The following AOPEP variants were observed in gnomAD, a reference collection of about 807,000 sequenced individuals.
The protein encoded by AOPEP is aminopeptidase O (putative).
Under a neutral mutation model 98.1 loss-of-function variants are expected in AOPEP, and 77 were observed. That is an observed-to-expected ratio of 0.78 (90% CI 0.65 to 0.95). The LOEUF is 0.95. Ranked by LOEUF, AOPEP falls within the 40% of genes least tolerant of loss-of-function variation. AOPEP has a pLI of 0.00. For synonymous variants in AOPEP, 346 were observed against 365.3 expected, an observed-to-expected ratio of 0.95 and a Z score of 0.60; for missense variants, 1,024 against 1,024.7, an observed-to-expected ratio of 1.00 and a Z score of 0.01.
At chr9:94,805,316 G>A (rs960578686) in intron 5 of AOPEP, among the ~76,000 whole-genome samples, 1 of 152,124 alleles carries the variant, frequency 6.6e-6, no homozygotes, top group South Asian at 2.1e-4. Context: ...ACGGGCAACC[G>A]TCCCTTTGTA....
chr9:94,995,974 G>A (rs577553210), intron 11 of AOPEP, among the ~76,000 whole-genome samples: 154 of 152,312 alleles, frequency 1.0e-3, no homozygotes, highest in African/African-American at 3.6e-3. Flanking sequence ...TGGCTGATCA[G>A]TGCTGGATCA....
chr9:94,756,224 G>A (rs1837005645), intron 1 of AOPEP, among the ~76,000 whole-genome samples: 1 of 148,550 alleles, frequency 6.7e-6, no homozygotes, highest in Non-Finnish European at 1.5e-5. Context: ...TGTGCCACTG[G>A]GTGACAGAGC....
chr9:95,024,330 C>T (rs982451765), intron 13 of AOPEP, among the ~76,000 whole-genome samples: 3 of 152,206 alleles, frequency 2.0e-5, no homozygotes, highest in Non-Finnish European at 4.4e-5. Context: ...AATATCCTTA[C>T]CTTTGTCAAC....
At chr9:94,803,207 A>G (rs536144739) in intron 5 of AOPEP, among the ~76,000 whole-genome samples, 11 of 152,316 alleles carry the variant, frequency 7.2e-5, no homozygotes, top group Non-Finnish European at 1.3e-4. Context: ...TGAGAGATCA[A>G]AGGACTTCTT....
intron 11 of AOPEP, chr9:95,004,113 T>C (rs1374622430): frequency 5.0e-6 from 2 of 400,022 alleles, no homozygotes; most frequent in Non-Finnish European, 9.9e-6. Flanking sequence ...AGATTTTCTT[T>C]AAAGAAATGT....
chr9:94,829,003 G>T (rs1432933410), intron 5 of AOPEP, among the ~76,000 whole-genome samples: 1 of 151,636 alleles, frequency 6.6e-6, no homozygotes. Flanking sequence ...CAAGTAGCTG[G>T]GATTACAGGC....
rs536416689 is a variant in AOPEP at position 94,949,666 on chromosome 9, T to C, written c.1662-5511T>C. Among the ~76,000 whole-genome samples the C allele has an allele frequency of 5.0e-4, 76 of 152,360 alleles. No individual in the cohort carries two copies. The South Asian group carries it at 8.5e-3, about 17-fold the overall frequency. The stretch of plus-strand genomic sequence containing the variant: ...CCAAATACCAGCGGTGTTGATACAA[T>C]ACAAATTTATTAGTTAAAGGTTTAT... On this transcript the variant is annotated intron_variant, in intron 7 of 16. Coordinates refer to ENST00000375315, the MANE Select transcript of AOPEP (RefSeq NM_001193329.3).
chr9:95,014,819 T>A (rs1292514482), intron 13 of AOPEP, among the ~76,000 whole-genome samples: 2 of 152,126 alleles, frequency 1.3e-5, no homozygotes, highest in Admixed American at 6.5e-5. Flanking sequence ...CTGGAAAAAA[T>A]TAAAGTAGTC....
At chr9:94,769,296 C>T (rs1840330190) in intron 2 of AOPEP, among the ~76,000 whole-genome samples, 1 of 152,194 alleles carries the variant, frequency 6.6e-6, no homozygotes, top group African/African-American at 2.4e-5. Flanking sequence ...ACTGTGATGT[C>T]AGACATGCAT....
At chr9:95,101,576 G>T in the AOPEP span, 1 of 1,090,322 alleles carries the variant, frequency 9.2e-7, no homozygotes, top group Non-Finnish European at 1.4e-6. Context: ...GTCCCAAGAT[G>T]TGTACAGCTC....
intron 9 of AOPEP, among the ~76,000 whole-genome samples, chr9:94,958,391 T>A (rs1234724969): frequency 6.6e-6 from 1 of 152,250 alleles, no homozygotes. Flanking sequence ...CTTTCAGTTA[T>A]TTTCAGTATA....
At chr9:94,913,911 A>G (rs963078394) in intron 5 of AOPEP, among the ~76,000 whole-genome samples, 27 of 152,078 alleles carry the variant, frequency 1.8e-4, no homozygotes, top group African/African-American at 6.3e-4. Flanking sequence ...AATACAATAA[A>G]CCCAATTAAT....
chr9:95,111,724 G>T, the AOPEP span: 1 of 1,522,066 alleles, frequency 6.6e-7, no homozygotes, highest in Non-Finnish European at 9.1e-7. Context: ...TTTGCCAACG[G>T]TTGGCTTAAA....
chr9:94,894,187 C>T (rs1342169343), intron 5 of AOPEP, among the ~76,000 whole-genome samples: 2 of 151,998 alleles, frequency 1.3e-5, no homozygotes, highest in African/African-American at 4.8e-5. Context: ...AATCAACCTA[C>T]AGAATGCAAA....
Position 94,760,542 on chromosome 9 carries a change from A to C in AOPEP, c.759A>C (p.Glu253Asp), listed in dbSNP as rs756695675. Residue 253 changes from glutamate (E) to aspartate (D), a missense_variant, in exon 2 of 17, where the codon GAA becomes GAC. Physicochemically the swap from Glu to Asp is conservative, Grantham distance 45. This residue lies in a region of AOPEP where 440 missense variants were observed against 433.8 expected (regional missense o/e 1.01). Transcript: ENST00000375315. ...AIRIWYKTKP[E>D]GRSVTWTSDQ... is the part of the protein sequence containing the mutation. The stretch of plus-strand genomic sequence containing the variant: ...GGATATGGTACAAAACTAAACCTGA[A>C]GGGCGATCGGTTACATGGACCTCAG... 2.6e-6 allele frequency: 4 copies of C among 1,566,124 alleles called. No individual in the cohort carries two copies. Among genetic ancestry groups the C allele is most frequent in the Non-Finnish European group, 3.4e-6 (4 of 1,159,894 alleles).
chr9:95,129,045 G>A, the AOPEP span, among the ~76,000 whole-genome samples: 1 of 152,082 alleles, frequency 6.6e-6, no homozygotes, highest in Non-Finnish European at 1.5e-5. Flanking sequence ...TGGGATTACA[G>A]GCACGTGCCA....
chr9:94,901,341 C>G (rs556066462), intron 5 of AOPEP, among the ~76,000 whole-genome samples: 1 of 152,170 alleles, frequency 6.6e-6, no homozygotes, highest in South Asian at 2.1e-4. Context: ...AATGTAGCGG[C>G]TTTAATCACC....
intron 13 of AOPEP, among the ~76,000 whole-genome samples, chr9:95,046,639 G>C (rs2065892640): frequency 6.6e-6 from 1 of 152,172 alleles, no homozygotes; most frequent in African/African-American, 2.4e-5. Context: ...TCTAGACCTG[G>C]GAGTGTGGGG....
chr9:94,809,659 G>A (rs548567404), intron 5 of AOPEP, among the ~76,000 whole-genome samples: 1 of 152,238 alleles, frequency 6.6e-6, no homozygotes, highest in African/African-American at 2.4e-5. Flanking sequence ...ATGCTTTTCT[G>A]TTTATAGACC....
Sources: allele counts gnomAD v4.1 joint callset (sites outside exome capture counted in the v4.1 genomes callset), GRCh38; gene constraint gnomAD v4.1.1; regional missense constraint gnomAD v4.1.1; transcripts MANE v1.5; gene names NCBI Gene and HGNC (gene_info 2026-07-23, HGNC 2026-07-21).